Variants in PITPNC1 observed in about 807,000 individuals in gnomAD.
PITPNC1 encodes cytoplasmic phosphatidylinositol transfer protein 1.
A neutral mutation model predicts 44.7 loss-of-function variants in PITPNC1; 18 were observed. The observed-to-expected ratio is 0.40, with a 90% CI of 0.28 to 0.60. PITPNC1 has a LOEUF of 0.60. Among genes scored for constraint, PITPNC1 ranks in the 20% least tolerant of loss-of-function variants. The pLI is 0.39. For missense variants in PITPNC1, 290 were observed against 418.4 expected, an observed-to-expected ratio of 0.69 and a Z score of 2.68; for synonymous variants, 141 against 149.6, an observed-to-expected ratio of 0.94 and a Z score of 0.42.
At chr17:67,404,538 C>G (rs928413329) in intron 1 of PITPNC1, among the ~76,000 whole-genome samples, 2 of 152,136 alleles carry the variant, frequency 1.3e-5, no homozygotes, top group African/African-American at 2.4e-5. Context: ...TACATGACTT[C>G]AAGTGAAAAA....
chr17:67,598,443 C>T (rs2041488646), intron 5 of PITPNC1, among the ~76,000 whole-genome samples: 1 of 152,138 alleles, frequency 6.6e-6, no homozygotes, highest in Non-Finnish European at 1.5e-5. Flanking sequence ...CCCCCAAATT[C>T]CTATGTTAAA....
chr17:67,616,838 T>C (rs990186376), intron 5 of PITPNC1, among the ~76,000 whole-genome samples: 1 of 152,236 alleles, frequency 6.6e-6, no homozygotes, highest in Non-Finnish European at 1.5e-5. Context: ...CCTGGTGCGT[T>C]CGTCAGCGGC....
At chr17:67,421,229 G>A (rs563077893) in intron 1 of PITPNC1, among the ~76,000 whole-genome samples, 8 of 152,228 alleles carry the variant, frequency 5.3e-5, no homozygotes, top group East Asian at 1.9e-4. Flanking sequence ...TATAGAAGAC[G>A]GATGTCTTTT....
At chr17:67,385,881 A>C (rs962923744) in intron 1 of PITPNC1, among the ~76,000 whole-genome samples, 1 of 152,210 alleles carries the variant, frequency 6.6e-6, no homozygotes, top group East Asian at 1.9e-4. Context: ...GACTCTGTCC[A>C]TGAAGGAAGC....
intron 1 of PITPNC1, among the ~76,000 whole-genome samples, chr17:67,430,868 C>T (rs1476600593): frequency 2.0e-5 from 3 of 151,310 alleles, no homozygotes; most frequent in Non-Finnish European, 4.4e-5. Context: ...GTGGGAGGAT[C>T]CCTTGGGCCC....
intron 1 of PITPNC1, among the ~76,000 whole-genome samples, chr17:67,524,249 C>G (rs1469383278): frequency 6.6e-6 from 1 of 152,034 alleles, no homozygotes; most frequent in Admixed American, 6.6e-5. Context: ...TTGAGGCCAG[C>G]CTGGGCAACA....
At chr17:67,627,801 C>T (rs2041913811) in intron 5 of PITPNC1, among the ~76,000 whole-genome samples, 1 of 152,140 alleles carries the variant, frequency 6.6e-6, no homozygotes, top group South Asian at 2.1e-4. Flanking sequence ...TTACTTCTTT[C>T]AGCCTTGGTT....
chr17:67,455,569 A>G (rs2039243402), intron 1 of PITPNC1, among the ~76,000 whole-genome samples: 2 of 151,704 alleles, frequency 1.3e-5, no homozygotes, highest in Admixed American at 6.6e-5. Context: ...ACAGGTGCGC[A>G]CCACCATGCC....
At chr17:67,477,891 T>A (rs1429703549) in intron 1 of PITPNC1, among the ~76,000 whole-genome samples, 1 of 152,108 alleles carries the variant, frequency 6.6e-6, no homozygotes, top group Non-Finnish European at 1.5e-5. Flanking sequence ...CCACAGCCCT[T>A]GATTTCTGGG....
rs1172674324 is a variant in PITPNC1, at chr17:67,495,040, GTTTTTTTTTTTGTTTTTT to G, written c.49-37750_49-37733del. Among the ~76,000 whole-genome samples the G allele has an allele frequency of 1.5e-4, 10 of 64,722 alleles. 1 individual carries two copies. The highest frequency in any genetic ancestry group is 2.0e-4 in the African/African-American group (3 of 14,948). The allele number at this position is 64,722 out of a possible 152,430, so 42.5% of individuals were successfully genotyped here. A position where few individuals can be genotyped will look rare whatever the true frequency, so the allele number is the denominator to read the frequency against. On this transcript the variant is annotated intron_variant, in intron 1 of 8. Coordinates refer to ENST00000581322, the MANE Select transcript of PITPNC1 (RefSeq NM_012417.4). Reference sequence around the variant, plus strand: ...TTTGGCAATATTGAGCCATGGAGTTGTTTTTTTTTTTGTTTTTTTTTTTTTTTTTTTTTTGAGACGGAG... The same window carrying G: ...TTTGGCAATATTGAGCCATGGAGTTGTTTTTTTTTTTTTTTTGAGACGGAG...
intron 1 of PITPNC1, among the ~76,000 whole-genome samples, chr17:67,386,295 G>C (rs533390350): frequency 2.0e-5 from 3 of 152,250 alleles, no homozygotes; most frequent in African/African-American, 7.2e-5. Context: ...AGGTTTCAAG[G>C]GGTTCTCCTG....
At chr17:67,425,221 A>T (rs868563174) in intron 1 of PITPNC1, among the ~76,000 whole-genome samples, 1 of 77,604 alleles carries the variant, frequency 1.3e-5, no homozygotes, top group African/African-American at 4.5e-5. Context: ...ACACACACAC[A>T]CACACACACA....
chr17:67,395,178 T>C (rs2038199148), intron 1 of PITPNC1, among the ~76,000 whole-genome samples: 1 of 152,004 alleles, frequency 6.6e-6, no homozygotes, highest in Non-Finnish European at 1.5e-5. Flanking sequence ...TTCTTTTTTT[T>C]TTTTTTAGAG....
At chr17:67,381,050 G>A (rs1263380032) in intron 1 of PITPNC1, among the ~76,000 whole-genome samples, 3 of 152,136 alleles carry the variant, frequency 2.0e-5, no homozygotes, top group Non-Finnish European at 4.4e-5. Context: ...TGGGATTGCC[G>A]GGTGCGGTGG....
intron 1 of PITPNC1, among the ~76,000 whole-genome samples, chr17:67,402,514 C>T (rs193295686): frequency 6.6e-6 from 1 of 152,134 alleles, no homozygotes; most frequent in Non-Finnish European, 1.5e-5. Context: ...CCCGCCCCTC[C>T]GCCATTTCCT....
chr17:67,449,635 G>A (rs1057302282), intron 1 of PITPNC1, among the ~76,000 whole-genome samples: 3 of 152,176 alleles, frequency 2.0e-5, no homozygotes, highest in African/African-American at 7.2e-5. Context: ...GAACTTCAAC[G>A]TTAGAATCTA....
Position 67,524,818 on chromosome 17 carries a change from G to A in PITPNC1, c.49-7984G>A, listed in dbSNP as rs1320118814. The stretch of plus-strand genomic sequence containing the variant: ...CGCTCTGTCGCCCAGGCCGGACTGC[G>A]GACTGCAGTGGCGCAATCTCGGCTC... On this transcript the variant is annotated intron_variant, in intron 1 of 8. Coordinates refer to ENST00000581322, the MANE Select transcript of PITPNC1 (RefSeq NM_012417.4). 7.5e-4 allele frequency: 2 copies of A among 2,676 alleles called. 1 individual carries two copies. Among genetic ancestry groups the A allele is most frequent in the Non-Finnish European group, 1.2e-3 (2 of 1,620 alleles). The allele number at this position is 2,676 out of a possible 1,614,324, so 0.2% of individuals were successfully genotyped here. A position where few individuals can be genotyped will look rare whatever the true frequency, so the allele number is the denominator to read the frequency against.
chr17:67,591,610 GT>G (rs2041392322), intron 5 of PITPNC1, among the ~76,000 whole-genome samples: 1 of 152,106 alleles, frequency 6.6e-6, no homozygotes, highest in Admixed American at 6.5e-5. Context: ...GGTAAAGGGT[GT>G]TCAGGGATTT....
At chr17:67,638,443 A>G (rs2042057413) in intron 6 of PITPNC1, 1 of 152,262 alleles carries the variant, frequency 6.6e-6, no homozygotes, top group Admixed American at 6.5e-5. Context: ...GGAGTGACCA[A>G]AGAAAATGGC....
Sources: gnomAD v4.1 joint callset for allele counts (sites outside exome capture counted in the v4.1 genomes callset) on GRCh38, gnomAD v4.1.1 for gene constraint, MANE v1.5 for transcripts, NCBI Gene and HGNC (gene_info 2026-07-23, HGNC 2026-07-21) for gene names.